FLNB: variants seen among roughly 807,000 people sequenced by gnomAD.
FLNB encodes the protein filamin B, also known as filamin-B.
FLNB carries 111 observed loss-of-function variants against 250.6 expected under a neutral mutation model. The ratio of observed to expected loss-of-function variants is 0.44; its 90% CI spans 0.38 to 0.52. The LOEUF is 0.52. Among genes scored for constraint, FLNB ranks in the 20% least tolerant of loss-of-function variants. The probability of loss-of-function intolerance (pLI) is 0.00; values close to 1 mark genes in which losing one functional copy is unlikely to be tolerated. For synonymous variants in FLNB, 1,302 were observed against 1,372.1 expected, an observed-to-expected ratio of 0.95 and a Z score of 1.13; for missense variants, 2,869 against 3,447.8, an observed-to-expected ratio of 0.83 and a Z score of 4.20.
At chr3:58,066,386 A>G (rs900180439) in intron 1 of FLNB, among the ~76,000 whole-genome samples, 5 of 151,418 alleles carry the variant, frequency 3.3e-5, no homozygotes, top group Non-Finnish European at 5.9e-5. Flanking sequence ...TGCCTGACCA[A>G]TTTTTGTATT....
intron 8 of FLNB, among the ~76,000 whole-genome samples, chr3:58,099,244 A>G (rs1040895051): frequency 3.9e-5 from 6 of 152,146 alleles, no homozygotes; most frequent in Admixed American, 6.5e-5. Context: ...CAGCAGCAAC[A>G]TGGGCCCTGC....
intron 25 of FLNB, chr3:58,131,940 T>G: frequency 6.5e-7 from 1 of 1,537,030 alleles, no homozygotes; most frequent in Non-Finnish European, 8.7e-7. Flanking sequence ...ACGACACGGA[T>G]TCCCAGTCAT....
At chr3:58,104,182 T>A in intron 10 of FLNB, 97 bp downstream of exon 10, 1 of 1,261,622 alleles carries the variant, frequency 7.9e-7, no homozygotes, top group Non-Finnish European at 1.1e-6. Flanking sequence ...GGGAAAGAGA[T>A]CTGCTTTGTT....
At chr3:58,056,119 T>TTTA (rs2097170177) in intron 1 of FLNB, among the ~76,000 whole-genome samples, 1 of 149,660 alleles carries the variant, frequency 6.7e-6, no homozygotes, top group African/African-American at 2.5e-5. Flanking sequence ...TTTTTTTTTT[T>TTTA]GAGGTGGAGT....
Position 58,142,852 on chromosome 3 carries a change from T to C in FLNB, c.5284+100T>C. ...TGTCCACTGTCCCCCAGACCCAGGC[T>C]CCTTAACCCAGGGTCACGAGTTCTT... is the stretch of plus-strand genomic sequence containing the variant. On this transcript the variant is annotated intron_variant, in intron 31 of 45. Transcript: ENST00000295956. The surrounding 1 kb of genome is among the most constrained non-coding windows in gnomAD (Gnocchi z 4.3). The C allele has an allele frequency of 9.5e-7, 1 of 1,048,726 alleles. No homozygotes were observed. The allele number at this position is 1,048,726 out of a possible 1,614,324, so 65.0% of individuals were successfully genotyped here. A position where few individuals can be genotyped will look rare whatever the true frequency, so the allele number is the denominator to read the frequency against.
chr3:58,080,612 A>G (rs1000320061), intron 3 of FLNB, among the ~76,000 whole-genome samples: 4 of 149,390 alleles, frequency 2.7e-5, no homozygotes, highest in South Asian at 4.2e-4. Context: ...CTCCTGTCTC[A>G]GCCTCCCGAG....
At position 58,014,780 on chromosome 3, in the gene FLNB, G is replaced by A. The variant is rs760987634; in HGVS notation, c.292+5924G>A. ...GTCTTGCTCTGTCGCCCAGGTTGGA[G>A]TGCAGTGGCGTGATCTCGGCTCACT... On this transcript the variant is annotated intron_variant, in intron 1 of 45. Transcript: ENST00000295956. Among the ~76,000 whole-genome samples, 6 of 152,294 alleles carry A rather than the reference G, an allele frequency of 3.9e-5. No homozygotes were observed. The South Asian group carries it at 1.0e-3, about 26-fold the overall frequency.
In FLNB at chr3:58,109,587, G is replaced by A. The variant is rs1446058629; in HGVS notation, c.2211G>A (p.Gly737=). ...IPHSPYRVNI[G]QGSHPQKVKV... ...CATGTCTTCTCTAGGTCAACATCGGGCAAGGTAGCCATCCTCAGAAGGTCA... is the reference window on the plus strand; with the variant it reads ...CATGTCTTCTCTAGGTCAACATCGGACAAGGTAGCCATCCTCAGAAGGTCA... The change falls in exon 15 of 46, where the codon GGG becomes GGA. Residue 737 remains glycine, a synonymous_variant. Coordinates refer to ENST00000295956, the MANE Select transcript of FLNB (RefSeq NM_001457.4). The A allele has an allele frequency of 3.7e-6, 6 of 1,614,082 alleles. No individual in the cohort carries two copies. The East Asian group carries it at 1.3e-4, about 36-fold the overall frequency.
intron 1 of FLNB, among the ~76,000 whole-genome samples, chr3:58,057,188 C>G (rs889842329): frequency 6.6e-6 from 1 of 152,062 alleles, no homozygotes; most frequent in East Asian, 1.9e-4. Context: ...GTTGCCCAGG[C>G]TGATCCTGAA....
At chr3:58,053,037 C>T (rs1469449669) in intron 1 of FLNB, among the ~76,000 whole-genome samples, 1 of 152,092 alleles carries the variant, frequency 6.6e-6, no homozygotes, top group Non-Finnish European at 1.5e-5. Flanking sequence ...ATTGTCAGCC[C>T]ATTTTACAGA....
rs544772758 is a variant in FLNB, at chr3:58,129,939, A to G, written c.4223-802A>G. On this transcript the variant is annotated intron_variant, in intron 24 of 45. Coordinates refer to ENST00000295956, the MANE Select transcript of FLNB (RefSeq NM_001457.4). Reference sequence around the variant, plus strand: ...TTTAGCACTTCTCTAGCAAATCACTATCTCCTCTCCTCGACTCCTCTGTGC... The same window carrying G: ...TTTAGCACTTCTCTAGCAAATCACTGTCTCCTCTCCTCGACTCCTCTGTGC... 4.6e-5 allele frequency among the ~76,000 whole-genome samples: 7 copies of G among 152,198 alleles called. No individual in the cohort carries two copies. The East Asian group carries it at 1.4e-3, about 30-fold the overall frequency.
intron 21 of FLNB, 45 bp from the exon 22 acceptor site, chr3:58,124,287 G>A: frequency 6.2e-7 from 1 of 1,611,024 alleles, no homozygotes; most frequent in Non-Finnish European, 8.5e-7. Flanking sequence ...TTGCTTTTGG[G>A]TCTGGGGTAC....
At chr3:58,072,368 T>G (rs540822746) in intron 1 of FLNB, among the ~76,000 whole-genome samples, 1 of 152,314 alleles carries the variant, frequency 6.6e-6, no homozygotes, top group African/African-American at 2.4e-5. Flanking sequence ...GGAGCAAGTC[T>G]TCACATGGAA....
At chr3:58,087,903 G>A (rs1026359350) in intron 4 of FLNB, among the ~76,000 whole-genome samples, 8 of 152,020 alleles carry the variant, frequency 5.3e-5, no homozygotes, top group South Asian at 2.1e-4. Context: ...ACCACACCCC[G>A]CCAATTTTGT....
At chr3:58,073,180 C>CTTAT (rs1271973627) in intron 1 of FLNB, among the ~76,000 whole-genome samples, 1 of 57,092 alleles carries the variant, frequency 1.8e-5, no homozygotes, top group Non-Finnish European at 3.5e-5. Flanking sequence ...TATTTATTTA[C>CTTAT]TTATTTATTG....
At chr3:58,127,325 CAAAAA>C (rs879263542) in intron 24 of FLNB, among the ~76,000 whole-genome samples, 1 of 117,892 alleles carries the variant, frequency 8.5e-6, no homozygotes, top group African/African-American at 3.3e-5. Context: ...GACCCTGTCT[CAAAAA>C]AAAAAAAAAA....
At position 58,150,159 on chromosome 3, in the gene FLNB, C is replaced by T. The variant is rs1252767563; in HGVS notation, c.6299C>T (p.Thr2100Ile). 2 of 1,614,258 alleles carry T rather than the reference C, an allele frequency of 1.2e-6. No individual in the cohort carries two copies. Among genetic ancestry groups the T allele is most frequent in the South Asian group, 2.2e-5 (2 of 91,082 alleles). Residue 2100 changes from threonine to isoleucine, a missense_variant, in exon 38 of 46, where the codon ACC (threonine) becomes ATC (isoleucine). Physicochemically the swap from Thr to Ile is moderately conservative, Grantham distance 89. Around this residue, in one of 5 missense-constraint regions of FLNB, gnomAD observed 1,084 missense variants for 1,315.5 expected, o/e 0.82. Coordinates refer to ENST00000295956, the MANE Select transcript of FLNB (RefSeq NM_001457.4). The stretch of plus-strand genomic sequence containing the variant: ...GAGGGAAGAGTCAAAGAGAGCATCA[C>T]CCGCACCAGTCGGGCCCCGTCCGTG... ...SGEGRVKESI[T>I]RTSRAPSVAT...
intron 18 of FLNB, 33 bp from the exon 19 acceptor site, chr3:58,118,839 C>T: frequency 6.4e-7 from 1 of 1,555,254 alleles, no homozygotes; most frequent in Non-Finnish European, 8.9e-7. Flanking sequence ...TTTTGGTACC[C>T]AAAGGTAAAC....
At chr3:58,017,492 A>T (rs1193728975) in intron 1 of FLNB, among the ~76,000 whole-genome samples, 1 of 152,098 alleles carries the variant, frequency 6.6e-6, no homozygotes, top group Admixed American at 6.6e-5. Flanking sequence ...ATCTCAGGTG[A>T]TCCGCCCGCT....
Sources: gnomAD v4.1 joint callset for allele counts (sites outside exome capture counted in the v4.1 genomes callset) on GRCh38, gnomAD v4.1.1 for gene constraint, gnomAD v4.1.1 regional missense constraint, Gnocchi (gnomAD v3.1) non-coding constraint, MANE v1.5 for transcripts, NCBI Gene and HGNC (gene_info 2026-07-23, HGNC 2026-07-21) for gene names.